PLAAT3: variants seen among roughly 807,000 people sequenced by gnomAD.
PLAAT3 encodes the protein Ca-independent phospholipase A1/2.
PLAAT3 carries 21 observed loss-of-function variants against 16.7 expected under a neutral mutation model. The ratio of observed to expected loss-of-function variants is 1.26; its 90% confidence interval spans 0.89 to 1.81. PLAAT3 has a LOEUF of 1.81. PLAAT3 is among the 40% of genes most tolerant of loss of function. The pLI, the probability that PLAAT3 is intolerant of heterozygous loss-of-function variation, is 0.00. For synonymous variants in PLAAT3, 76 were observed against 81.7 expected (o/e 0.93, Z 0.38); for missense variants, 219 against 213.7 (o/e 1.02, Z -0.16).
chr11:63,606,179 A>G (rs905944828), intron 2 of PLAAT3, among the ~76,000 whole-genome samples: 1 of 152,202 alleles, frequency 6.6e-6, no homozygotes, highest in Non-Finnish European at 1.5e-5. Flanking sequence ...TGGAGGGCCT[A>G]GAAACCCATA....
chr11:63,589,413 G>GAAAA (rs59025930), intron 4 of PLAAT3, among the ~76,000 whole-genome samples: 1 of 124,840 alleles, frequency 8.0e-6, no homozygotes, highest in Non-Finnish European at 1.7e-5. Flanking sequence ...CCTATGCAAA[G>GAAAA]AAAAAAAAAA....
At chr11:63,616,255 C>G (rs1938869286), upstream of PLAAT3, 1 of 152,076 alleles carries the variant, frequency 6.6e-6, no homozygotes, top group Non-Finnish European at 1.5e-5. Flanking sequence ...CTGACACCCC[C>G]CTGTTCCCCC....
intron 2 of PLAAT3, among the ~76,000 whole-genome samples, chr11:63,601,012 A>G (rs1938413349): frequency 6.6e-6 from 1 of 151,588 alleles, no homozygotes; most frequent in South Asian, 2.1e-4. Flanking sequence ...TTTTTTTAAG[A>G]AACTAAATTT....
chr11:63,596,581 G>T (rs1938294003), intron 3 of PLAAT3, among the ~76,000 whole-genome samples: 1 of 151,586 alleles, frequency 6.6e-6, no homozygotes, highest in East Asian at 1.9e-4. Context: ...CAACTAGATG[G>T]TCCCTTCTGG....
intron 4 of PLAAT3, among the ~76,000 whole-genome samples, chr11:63,584,696 G>C (rs1341089705): frequency 6.6e-6 from 1 of 151,886 alleles, no homozygotes; most frequent in Non-Finnish European, 1.5e-5. Flanking sequence ...ATTTATAGTA[G>C]AGACGGGGTT....
intron 3 of PLAAT3, among the ~76,000 whole-genome samples, chr11:63,591,104 G>T (rs773404869): frequency 1.3e-4 from 20 of 152,158 alleles, no homozygotes; most frequent in Non-Finnish European, 2.4e-4. Context: ...GGGATGGGCT[G>T]GGCACAGTGG....
At chr11:63,586,236 C>T (rs747172423) in intron 4 of PLAAT3, among the ~76,000 whole-genome samples, 2 of 152,100 alleles carry the variant, frequency 1.3e-5, no homozygotes, top group Non-Finnish European at 2.9e-5. Flanking sequence ...AGGGTTCAAG[C>T]GATTCTCCTG....
intron 3 of PLAAT3, among the ~76,000 whole-genome samples, chr11:63,593,020 C>T (rs532877094): frequency 2.3e-4 from 35 of 152,290 alleles, no homozygotes; most frequent in African/African-American, 7.7e-4. Flanking sequence ...CCTGTCCACC[C>T]GGGTGCTTGT....
intron 3 of PLAAT3, among the ~76,000 whole-genome samples, chr11:63,592,469 C>G (rs1057394541): frequency 3.9e-5 from 6 of 152,176 alleles, no homozygotes; most frequent in Non-Finnish European, 8.8e-5. Flanking sequence ...AGCCACCACA[C>G]CTGGCCTAAA....
At chr11:63,587,695 C>T (rs1938020737) in intron 4 of PLAAT3, among the ~76,000 whole-genome samples, 1 of 151,830 alleles carries the variant, frequency 6.6e-6, no homozygotes. Flanking sequence ...GCTGGGATTA[C>T]AGGCGCATGT....
chr11:63,590,407 G>C, intron 3 of PLAAT3, 39 bp from the exon 4 acceptor site: 1 of 1,597,460 alleles, frequency 6.3e-7, no homozygotes, highest in Non-Finnish European at 8.6e-7. Flanking sequence ...GATTGGTCCT[G>C]GGAAGGGCCA....
intron 2 of PLAAT3, among the ~76,000 whole-genome samples, chr11:63,607,603 C>A (rs1034101652): frequency 1.3e-4 from 19 of 151,876 alleles, no homozygotes; most frequent in Admixed American, 5.9e-4. Flanking sequence ...ATTTTTGTTT[C>A]GGTCTTGAAA....
In PLAAT3 at chr11:63,598,092, G is replaced by A. The variant is rs369058482; in HGVS notation, c.87C>T (p.Gly29=). ...GGGCCAGATGAACCACATATCCATC[G>A]CCAACATAGATGGCCCAGTGTCTGT... The part of the protein sequence containing the change: ...PFYRHWAIYV[G]DGYVVHLAPP... Residue 29 remains glycine, a synonymous_variant, in exon 3 of 5, where the codon GGC becomes GGT. Transcript: ENST00000415826. 7.6e-5 allele frequency: 123 copies of A among 1,613,352 alleles called. No homozygotes were observed. The highest frequency in any genetic ancestry group is 6.2e-4 in the Admixed American group (37 of 59,990).
At chr11:63,597,991 C>G in intron 3 of PLAAT3, 70 bp downstream of exon 3, 1 of 1,012,606 alleles carries the variant, frequency 9.9e-7, no homozygotes, top group Non-Finnish European at 1.6e-6. Flanking sequence ...CACCTGTTAC[C>G]CACAGTTCCC....
intron 4 of PLAAT3, among the ~76,000 whole-genome samples, chr11:63,584,164 T>A (rs1396909565): frequency 1.3e-5 from 2 of 152,138 alleles, no homozygotes; most frequent in African/African-American, 4.8e-5. Flanking sequence ...TTCAAAATAA[T>A]ACCCCACAAT....
chr11:63,598,098 A>C lies in PLAAT3; in HGVS notation c.81T>G (p.Tyr27Ter). The stretch of plus-strand genomic sequence containing the variant: ...GATGAACCACATATCCATCGCCAAC[A>C]TAGATGGCCCAGTGTCTGTAGAAAG... ...FRPFYRHWAI[Y>*]VGDGYVVHLA... Residue 27 changes from tyrosine (Y) to a stop codon, truncating the protein, a stop_gained, in exon 3 of 5, where the codon TAT becomes TAG. Coordinates refer to ENST00000415826, the MANE Select transcript of PLAAT3 (RefSeq NM_001128203.2). LOFTEE classifies it high-confidence loss of function. 1 of 1,613,890 alleles carries C rather than the reference A, an allele frequency of 6.2e-7. No homozygotes were observed. The highest frequency in any genetic ancestry group is 8.5e-7 in the Non-Finnish European group (1 of 1,179,770).
chr11:63,606,288 A>T (rs1034183313), intron 2 of PLAAT3, among the ~76,000 whole-genome samples: 15 of 152,200 alleles, frequency 9.9e-5, no homozygotes, highest in Admixed American at 3.3e-4. Flanking sequence ...AAAGGTTTTT[A>T]AAAAAATACC....
chr11:63,615,380 ATATATATGTG>A (rs1565260216), upstream of PLAAT3, among the ~76,000 whole-genome samples: 3 of 80,008 alleles, frequency 3.7e-5, no homozygotes, highest in African/African-American at 7.9e-5. Flanking sequence ...ATATGTGTGT[ATATATATGTG>A]TATATATGTG....
chr11:63,608,206 A>G (rs1054660310), intron 2 of PLAAT3, among the ~76,000 whole-genome samples: 2 of 152,070 alleles, frequency 1.3e-5, no homozygotes, highest in African/African-American at 4.8e-5. Context: ...ATTAATTAAA[A>G]CAAAGTTCCC....
Sources: gnomAD v4.1 joint callset for allele counts (sites outside exome capture counted in the v4.1 genomes callset) on GRCh38, gnomAD v4.1.1 for gene constraint, MANE v1.5 for transcripts, NCBI Gene and HGNC (gene_info 2026-07-23, HGNC 2026-07-21) for gene names.